Variants in CCDC71 observed in about 807,000 individuals in gnomAD.
CCDC71 encodes the protein coiled-coil domain containing 71.
For synonymous variants in CCDC71, 257 were observed against 242.2 expected, an observed-to-expected ratio of 1.06 and a Z score of -0.57; for missense variants, 594 against 604.0, an observed-to-expected ratio of 0.98 and a Z score of 0.17.
chr3:49,163,726 G>T lies in CCDC71; in HGVS notation c.483C>A (p.Phe161Leu). ...AGACACCTGGATAAAGGTGGGTGGG[G>T]AAGCCCACTGCTGCACCCCGGGCAT... ...ASHARGAAVGFPTHLYPGVYP... is the reference protein window; with the variant it reads ...ASHARGAAVGLPTHLYPGVYP... Residue 161 changes from phenylalanine to leucine, a missense_variant, in exon 2 of 2, where the codon TTC becomes TTA. Physicochemically the swap from Phe to Leu is conservative, Grantham distance 22. Transcript: ENST00000321895. 1 of 1,614,094 alleles carries T rather than the reference G, an allele frequency of 6.2e-7. No individual in the cohort carries two copies. Among genetic ancestry groups the T allele is most frequent in the Non-Finnish European group, 8.5e-7 (1 of 1,180,026 alleles).
Position 49,163,520 on chromosome 3 carries a change from T to C in CCDC71, c.689A>G (p.Lys230Arg), listed in dbSNP as rs927357473. ...ACACTTGGGGCCCTTGCTTGTGGTT[T>C]TTCTGGGAGCTTTGGGCCGAGGGTT... ...PGNPRPKAPR[K>R]TTSKGPKCLT... The change falls in exon 2 of 2, where the codon AAA (lysine) becomes AGA (arginine). Residue 230 changes from lysine (K) to arginine (R), a missense_variant. By Grantham distance (26) the Lys-to-Arg change is conservative (BLOSUM62 2). Coordinates refer to ENST00000321895, the MANE Select transcript of CCDC71 (RefSeq NM_022903.4). 2.4e-5 allele frequency: 38 copies of C among 1,614,096 alleles called. No individual in the cohort carries two copies. Among genetic ancestry groups the C allele is most frequent in the Non-Finnish European group, 3.1e-5 (37 of 1,180,016 alleles).
rs781386971 is a variant in CCDC71, at chr3:49,163,323, G to A, written c.886C>T (p.Gln296Ter). 1 of 1,613,860 alleles carries A rather than the reference G, an allele frequency of 6.2e-7. No individual in the cohort carries two copies. Among genetic ancestry groups the A allele is most frequent in the Non-Finnish European group, 8.5e-7 (1 of 1,180,024 alleles). The stretch of plus-strand genomic sequence containing the variant: ...GCCTGTGTTCGAGCCACCTTGGCTT[G>A]GGCACGAGCAGCTTTGGCCAGTGTT... ...ARTLAKAARAQAKVARTQAKA... is the reference protein window; with the variant it reads ...ARTLAKAARA Residue 296 changes from glutamine to a stop codon, truncating the protein, a stop_gained, in exon 2 of 2, where the codon CAA becomes TAA. Transcript: ENST00000321895. LOFTEE classifies it low-confidence loss of function (END_TRUNC).
In CCDC71 at chr3:49,162,914, T is replaced by G; in HGVS notation, c.1295A>C (p.Asp432Ala). 6.2e-7 allele frequency: 1 copy of G among 1,614,264 alleles called. No homozygotes were observed. Among genetic ancestry groups the G allele is most frequent in the East Asian group, 2.2e-5 (1 of 44,884 alleles). Residue 432 changes from aspartate (D) to alanine (A), a missense_variant, in exon 2 of 2, where the codon GAT becomes GCT. Coordinates refer to ENST00000321895, the MANE Select transcript of CCDC71 (RefSeq NM_022903.4). ...CACCTCATCATCCGAGGACCGCCTA[T>G]CTACCTTTATGGCACGGAACTTCAG... is the stretch of plus-strand genomic sequence containing the variant. ...KLLKFRAIKV[D>A]RRSSDDEVRQ...
Position 49,164,035 on chromosome 3 carries a change from A to G in CCDC71, c.174T>C (p.Asp58=), listed in dbSNP as rs779707664. 6.2e-7 allele frequency: 1 copy of G among 1,614,162 alleles called. No homozygotes were observed. Among genetic ancestry groups the G allele is most frequent in the South Asian group, 1.1e-5 (1 of 91,084 alleles). Residue 58 remains aspartate (D), a synonymous_variant, in exon 2 of 2, where the codon GAT becomes GAC. Transcript: ENST00000321895. ...LVAFLQGLRD[D]GFQPTILRSG... is the part of the protein sequence containing the mutation. ...TGCGCAGGATGGTAGGTTGGAAGCC[A>G]TCATCTCGCAGGCCCTGCAGGAAGG...
In CCDC71 at chr3:49,163,004, T is replaced by C. The variant is rs777663926; in HGVS notation, c.1205A>G (p.Lys402Arg). 3.1e-6 allele frequency: 5 copies of C among 1,614,162 alleles called. No homozygotes were observed. In the Admixed American group the frequency reaches 5.0e-5, roughly 16 times the overall value. ...TCGGGGCCCAAGCCGTGTTCTCTTC[T>C]TGGGAGGAAGATCTTTTGCCTCCTC... ...RAEEAKDLPP[K>R]KRTRLGPRSP... Residue 402 changes from lysine to arginine, a missense_variant, in exon 2 of 2, where the codon AAG becomes AGG. Transcript: ENST00000321895.
chr3:49,163,180 C>T lies in CCDC71; in HGVS notation c.1029G>A (p.Lys343=). 2 of 1,568,700 alleles carry T rather than the reference C, an allele frequency of 1.3e-6. No homozygotes were observed. The highest frequency in any genetic ancestry group is 1.7e-6 in the Non-Finnish European group (2 of 1,147,344). Reference sequence around the variant, plus strand: ...TGGCCCGTACTGCCTTGGCTTTAGCCTTGGCCTTGGCCCATGCTGCCATGA... The same window carrying T: ...TGGCCCGTACTGCCTTGGCTTTAGCTTTGGCCTTGGCCCATGCTGCCATGA... The part of the protein sequence containing the change: ...AKVMAAWAKA[K]AKAKAVRAKA... Residue 343 remains lysine, a synonymous_variant, in exon 2 of 2, where the codon AAG becomes AAA. Coordinates refer to ENST00000321895, the MANE Select transcript of CCDC71 (RefSeq NM_022903.4).
rs905293961 is a variant in CCDC71 at position 49,163,872 on chromosome 3, G to C, written c.337C>G (p.Arg113Gly). 6.2e-7 allele frequency: 1 copy of C among 1,614,060 alleles called. No homozygotes were observed. ...PRTAMRLPAGRATLLPMPLSG... is the reference protein window; with the variant it reads ...PRTAMRLPAGGATLLPMPLSG... ...AGCGGCATGGGAAGCAGTGTGGCCC[G>C]ACCTGCAGGCAACCGCATGGCAGTT... Residue 113 changes from arginine (R) to glycine (G), a missense_variant, in exon 2 of 2, where the codon CGG becomes GGG. Transcript: ENST00000321895.
Position 49,166,031 on chromosome 3 carries a change from G to A in CCDC71, c.-53+236C>T, listed in dbSNP as rs1204594495. Among the ~76,000 whole-genome samples, 1 of 152,196 alleles carries A rather than the reference G, an allele frequency of 6.6e-6. No individual in the cohort carries two copies. The highest frequency in any genetic ancestry group is 2.4e-5 in the African/African-American group (1 of 41,464). The stretch of plus-strand genomic sequence containing the variant: ...GGGAATGCACGTCCTTAGGGCCCAA[G>A]CCGTGAGGCGGGGGTCACTGAGGCA... On this transcript the variant is annotated intron_variant, in intron 1 of 1. Transcript: ENST00000321895. The surrounding 1 kb of genome is among the most constrained non-coding windows in gnomAD (Gnocchi z 4.0).
chr3:49,162,734 C>A lies in CCDC71; in HGVS notation c.*71G>T, dbSNP rs1022747055. The A allele has an allele frequency of 1.4e-6, 2 of 1,471,252 alleles. No homozygotes were observed. Among genetic ancestry groups the A allele is most frequent in the African/African-American group, 2.8e-5 (2 of 71,636 alleles). The allele number at this position is 1,471,252 out of a possible 1,614,324, so 91.1% of individuals were successfully genotyped here. On this transcript the variant is annotated 3_prime_UTR_variant, in exon 2 of 2. Transcript: ENST00000321895. The stretch of plus-strand genomic sequence containing the variant: ...TCCTCAAGATTGTGGAGTCCACGGA[C>A]ATAGCACACTGTGCCACTAGCCACA...
chr3:49,164,793 G>C (rs541663266), intron 1 of CCDC71, among the ~76,000 whole-genome samples: 29 of 152,310 alleles, frequency 1.9e-4, no homozygotes, highest in African/African-American at 6.7e-4. Context: ...ACAAAAAGGG[G>C]AATAGCTAAT....
chr3:49,164,397 C>T, intron 1 of CCDC71, 137 bp from the exon 2 acceptor site: 1 of 621,910 alleles, frequency 1.6e-6, no homozygotes, highest in Non-Finnish European at 2.9e-6. Context: ...TGGTGTAAAA[C>T]CCTGGTCTCC....
intron 1 of CCDC71, among the ~76,000 whole-genome samples, chr3:49,165,984 G>T (rs1339882119): frequency 6.6e-6 from 1 of 152,244 alleles, no homozygotes; most frequent in Non-Finnish European, 1.5e-5. Context: ...CGGGGGAGGG[G>T]GCAGATCGGG....
chr3:49,162,590 G>C lies in CCDC71; in HGVS notation c.*215C>G. 3.4e-6 allele frequency: 2 copies of C among 595,754 alleles called. No individual in the cohort carries two copies. The highest frequency in any genetic ancestry group is 4.1e-5 in the South Asian group (2 of 48,858). The allele number at this position is 595,754 out of a possible 1,614,324, so 36.9% of individuals were successfully genotyped here. A position where few individuals can be genotyped will look rare whatever the true frequency, so the allele number is the denominator to read the frequency against. The stretch of plus-strand genomic sequence containing the variant: ...AGTAGACATACAACTTGAATAACAA[G>C]TCACAGTGCATCGCGCCATGAAAAC... On this transcript the variant is annotated 3_prime_UTR_variant, in exon 2 of 2. Coordinates refer to ENST00000321895, the MANE Select transcript of CCDC71 (RefSeq NM_022903.4).
chr3:49,162,868 G>A lies in CCDC71; in HGVS notation c.1341C>T (p.Ile447=). 1 of 1,614,126 alleles carries A rather than the reference G, an allele frequency of 6.2e-7. No individual in the cohort carries two copies. The highest frequency in any genetic ancestry group is 8.5e-7 in the Non-Finnish European group (1 of 1,180,030). The change falls in exon 2 of 2, where the codon ATC becomes ATT. Residue 447 remains isoleucine, a synonymous_variant. Coordinates refer to ENST00000321895, the MANE Select transcript of CCDC71 (RefSeq NM_022903.4). The part of the protein sequence containing the change: ...DDEVRQRAQR[I]LRVNLSPVIR... ...TTACAGGTGACAGGTTCACGCGGAG[G>A]ATCCGCTGAGCCCGCTGCCGCACCT...
rs199958327 is a variant in CCDC71 at position 49,163,538 on chromosome 3, C to T, written c.671G>A (p.Arg224Gln). The change falls in exon 2 of 2, where the codon CGG (arginine) becomes CAG (glutamine). Residue 224 changes from arginine to glutamine, a missense_variant. Coordinates refer to ENST00000321895, the MANE Select transcript of CCDC71 (RefSeq NM_022903.4). ...TGTGGTTTTTCTGGGAGCTTTGGGC[C>T]GAGGGTTCCCCGGACCCTTCCCTGA... Reference protein sequence around the residue: ...KSSGKGPGNPRPKAPRKTTSK... With the variant: ...KSSGKGPGNPQPKAPRKTTSK... The T allele has an allele frequency of 6.0e-4, 968 of 1,614,188 alleles. 1 individual carries two copies. Among genetic ancestry groups the T allele is most frequent in the Non-Finnish European group, 7.8e-4 (919 of 1,180,016 alleles).
intron 1 of CCDC71, 146 bp from the exon 2 acceptor site, chr3:49,164,406 C>CCTGACGCT (rs2045711070): frequency 3.3e-6 from 2 of 612,302 alleles, no homozygotes; most frequent in Non-Finnish European, 5.8e-6. Context: ...ACCCTGGTCT[C>CCTGACGCT]CTGACCCTCT....
Position 49,162,642 on chromosome 3 carries a change from T to A in CCDC71, c.*163A>T. 1 of 13,040 alleles carries A rather than the reference T, an allele frequency of 7.7e-5. No homozygotes were observed. Among genetic ancestry groups the A allele is most frequent in the Non-Finnish European group, 1.4e-4 (1 of 7,116 alleles). 0.8% of individuals were successfully genotyped at this position (13,040 alleles called of 1,614,324 possible). A position where few individuals can be genotyped will look rare whatever the true frequency, so the allele number is the denominator to read the frequency against. ...CCCCTCCCGCCCACCCACCCCACCG[T>A]ACCCCACCCACTCTGGTTTCTGAAA... is the stretch of plus-strand genomic sequence containing the variant. On this transcript the variant is annotated 3_prime_UTR_variant, in exon 2 of 2. Transcript: ENST00000321895.
rs373815701 is a variant in CCDC71 at position 49,163,451 on chromosome 3, C to T, written c.758G>A (p.Gly253Glu). Reference sequence around the variant, plus strand: ...GGCTCTGTTGGTTTTGCTCTGGTGCCCAGAGCCTCGTCGGGGTCCAGCCCC... The same window carrying T: ...GGCTCTGTTGGTTTTGCTCTGGTGCTCAGAGCCTCGTCGGGGTCCAGCCCC... ...GPGAGPRRGSGHQSKTNRATG... is the reference protein window; with the variant it reads ...GPGAGPRRGSEHQSKTNRATG... Residue 253 changes from glycine (G) to glutamate (E), a missense_variant, in exon 2 of 2, where the codon GGG (glycine) becomes GAG (glutamate). Transcript: ENST00000321895. 5.6e-5 allele frequency: 91 copies of T among 1,614,132 alleles called. No individual in the cohort carries two copies. Among genetic ancestry groups the T allele is most frequent in the Non-Finnish European group, 6.7e-5 (79 of 1,180,058 alleles).
Position 49,162,665 on chromosome 3 carries a change from A to T in CCDC71, c.*140T>A. On this transcript the variant is annotated 3_prime_UTR_variant, in exon 2 of 2. Coordinates refer to ENST00000321895, the MANE Select transcript of CCDC71 (RefSeq NM_022903.4). ...CGTACCCCACCCACTCTGGTTTCTG[A>T]AAGGAGGCTGGTGGTCACCAGGGCC... 1 of 261,726 alleles carries T rather than the reference A, an allele frequency of 3.8e-6. No homozygotes were observed. The allele number at this position is 261,726 out of a possible 1,614,324, so 16.2% of individuals were successfully genotyped here.
Sources: allele counts gnomAD v4.1 joint callset (sites outside exome capture counted in the v4.1 genomes callset), GRCh38; gene constraint gnomAD v4.1.1; non-coding constraint Gnocchi (gnomAD v3.1); transcripts MANE v1.5; gene names NCBI Gene and HGNC (gene_info 2026-07-23, HGNC 2026-07-21).